The following CNGA3 variants were observed in gnomAD, a reference collection of about 807,000 sequenced individuals.
The protein encoded by CNGA3 is cyclic nucleotide gated channel subunit alpha 3.
CNGA3 carries 42 observed loss-of-function variants against 46.6 expected under a neutral mutation model. The ratio of observed to expected loss-of-function variants is 0.90; its 90% CI spans 0.70 to 1.17. The LOEUF (loss-of-function observed/expected upper bound fraction) is 1.17. CNGA3 is among the 50% of genes most tolerant of loss of function. CNGA3 has a pLI of 0.00. For missense variants in CNGA3, 893 were observed against 890.7 expected, an observed-to-expected ratio of 1.00 and a Z score of -0.03; for synonymous variants, 394 against 369.4, an observed-to-expected ratio of 1.07 and a Z score of -0.76.
chr2:98,392,268 A>G (rs532163385), intron 7 of CNGA3, among the ~76,000 whole-genome samples: 1 of 152,174 alleles, frequency 6.6e-6, no homozygotes, highest in Non-Finnish European at 1.5e-5. Context: ...CCTCTGAGAT[A>G]AGCAGGCCAG....
At chr2:98,348,337 C>A (rs981755925) in intron 1 of CNGA3, among the ~76,000 whole-genome samples, 6 of 152,198 alleles carry the variant, frequency 3.9e-5, no homozygotes, top group Non-Finnish European at 7.3e-5. Flanking sequence ...CTTTGATGCT[C>A]CTGTTTCTAT....
rs1052874356 is a variant in CNGA3 at position 98,398,164 on chromosome 2, C to T, written c.*909C>T. The T allele has an allele frequency of 1.3e-5, 2 of 152,172 alleles. No individual in the cohort carries two copies. Among genetic ancestry groups the T allele is most frequent in the Admixed American group, 1.3e-4 (2 of 15,282 alleles). 9.4% of individuals were successfully genotyped at this position (152,172 alleles called of 1,614,324 possible). A position where few individuals can be genotyped will look rare whatever the true frequency, so the allele number is the denominator to read the frequency against. ...GAAGATTAGACCATTAGGAACGTAT[C>T]TTTGCAAACTGCCCATTCACCCATG... On this transcript the variant is annotated 3_prime_UTR_variant, in exon 8 of 8. Coordinates refer to ENST00000272602, the MANE Select transcript of CNGA3 (RefSeq NM_001298.3).
At chr2:98,386,132 G>T (rs562764272) in intron 5 of CNGA3, among the ~76,000 whole-genome samples, 1 of 152,294 alleles carries the variant, frequency 6.6e-6, no homozygotes, top group East Asian at 1.9e-4. Context: ...CTGGTACATA[G>T]TAAGTGCTCA....
At chr2:98,373,946 C>T (rs1056136578) in intron 2 of CNGA3, among the ~76,000 whole-genome samples, 1 of 152,216 alleles carries the variant, frequency 6.6e-6, no homozygotes, top group Non-Finnish European at 1.5e-5. Context: ...CCCACTTCTC[C>T]AGGACCAAAG....
In CNGA3 at chr2:98,383,309, A is replaced by G; in HGVS notation, c.396-79A>G. 6 of 1,333,390 alleles carry G rather than the reference A, an allele frequency of 4.5e-6. No individual in the cohort carries two copies. In the South Asian group the frequency reaches 7.1e-5, roughly 16 times the overall value. The allele number at this position is 1,333,390 out of a possible 1,614,324, so 82.6% of individuals were successfully genotyped here. A position where few individuals can be genotyped will look rare whatever the true frequency, so the allele number is the denominator to read the frequency against. On this transcript the variant is annotated intron_variant, in intron 4 of 7. Transcript: ENST00000272602. ...TGGGATAGGGATTGGGGGGTGGGGC[A>G]TGGTAATCCCCTGGTGAAATGGCCC...
chr2:98,380,506 G>T (rs116253387), intron 4 of CNGA3, 152 bp downstream of exon 4: 10,855 of 1,013,002 alleles, frequency 0.011, 89 homozygotes, highest in Non-Finnish European at 0.014. Context: ...GCCCTTGGGG[G>T]AGCACTACAT....
intron 7 of CNGA3, among the ~76,000 whole-genome samples, chr2:98,394,195 A>G (rs1692857845): frequency 6.6e-6 from 1 of 152,140 alleles, no homozygotes; most frequent in Non-Finnish European, 1.5e-5. Flanking sequence ...ACTTTCGTGC[A>G]TGTTTGAAAA....
intron 2 of CNGA3, among the ~76,000 whole-genome samples, chr2:98,372,664 T>G (rs972675341): frequency 2.6e-4 from 40 of 152,226 alleles, no homozygotes; most frequent in African/African-American, 9.4e-4. Flanking sequence ...AGTACTAATA[T>G]TGCCCTCCTA....
intron 6 of CNGA3, among the ~76,000 whole-genome samples, chr2:98,391,388 G>T (rs867199199): frequency 2.6e-5 from 4 of 152,188 alleles, no homozygotes; most frequent in African/African-American, 4.8e-5. Context: ...TGCTGTGCCC[G>T]TGAGGATAGG....
intron 1 of CNGA3, among the ~76,000 whole-genome samples, chr2:98,350,211 G>A (rs955380192): frequency 1.3e-5 from 2 of 152,188 alleles, no homozygotes; most frequent in African/African-American, 4.8e-5. Flanking sequence ...GCTTCTTGGT[G>A]TATACCTTGG....
chr2:98,380,768 TG>T (rs35936392), intron 4 of CNGA3, among the ~76,000 whole-genome samples: 3 of 151,998 alleles, frequency 2.0e-5, no homozygotes, highest in South Asian at 2.1e-4. Flanking sequence ...GCAGGAGCCT[TG>T]GGGGGGTGTC....
At chr2:98,370,216 A>G in intron 2 of CNGA3, 140 bp downstream of exon 2, 1 of 720,696 alleles carries the variant, frequency 1.4e-6, no homozygotes. Flanking sequence ...CAGCACTGCC[A>G]ACTTCATTTT....
At chr2:98,365,034 G>A (rs1015207472) in intron 1 of CNGA3, among the ~76,000 whole-genome samples, 4 of 145,162 alleles carry the variant, frequency 2.8e-5, no homozygotes, top group Non-Finnish European at 4.5e-5. Flanking sequence ...CTCTCTGGCT[G>A]CCCTTAACAT....
At chr2:98,385,582 A>T (rs1452906996) in intron 5 of CNGA3, among the ~76,000 whole-genome samples, 1 of 152,192 alleles carries the variant, frequency 6.6e-6, no homozygotes, top group African/African-American at 2.4e-5. Flanking sequence ...GATACAATAT[A>T]TTTTATATAT....
At chr2:98,368,191 G>C (rs3754901) in intron 1 of CNGA3, among the ~76,000 whole-genome samples, 66,885 of 152,110 alleles carry the variant, frequency 0.44, 14,813 homozygotes, top group Admixed American at 0.5. Flanking sequence ...CTGCTGAGCC[G>C]ATGGCTGCCC....
Position 98,396,202 on chromosome 2 carries a change from G to A in CNGA3, c.1032G>A (p.Glu344=), listed in dbSNP as rs1208590429. 2.5e-6 allele frequency: 4 copies of A among 1,614,170 alleles called. No homozygotes were observed. Among genetic ancestry groups the A allele is most frequent in the South Asian group, 2.2e-5 (2 of 91,086 alleles). The change falls in exon 8 of 8, where the codon GAG becomes GAA. Residue 344 remains glutamate, a synonymous_variant. Coordinates refer to ENST00000272602, the MANE Select transcript of CNGA3 (RefSeq NM_001298.3). ...TCTACCCAAACATCTCAATCCCAGAGCATGGGCGCCTCTCCAGGAAGTACA... is the reference window on the plus strand; with the variant it reads ...TCTACCCAAACATCTCAATCCCAGAACATGGGCGCCTCTCCAGGAAGTACA... ...SWVYPNISIP[E]HGRLSRKYIY... is the part of the protein sequence containing the mutation.
intron 2 of CNGA3, among the ~76,000 whole-genome samples, chr2:98,373,107 C>T (rs140932692): frequency 1.2e-4 from 18 of 152,264 alleles, no homozygotes; most frequent in Non-Finnish European, 2.4e-4. Flanking sequence ...ACAGTGTGTA[C>T]TCAGGATGGG....
At chr2:98,368,568 A>G (rs1186338876) in intron 1 of CNGA3, among the ~76,000 whole-genome samples, 3 of 152,180 alleles carry the variant, frequency 2.0e-5, no homozygotes, top group Admixed American at 6.5e-5. Context: ...TCATGACCTG[A>G]TTTCTGGCAC....
At chr2:98,367,167 G>GTTTTTTTTC (rs1692174940) in intron 1 of CNGA3, among the ~76,000 whole-genome samples, 1 of 101,588 alleles carries the variant, frequency 9.8e-6, no homozygotes, top group Admixed American at 1.1e-4. Context: ...GACATCAGCT[G>GTTTTTTTTC]TTTTTTTTCT....
Sources: gnomAD v4.1 joint callset for allele counts (sites outside exome capture counted in the v4.1 genomes callset) on GRCh38, gnomAD v4.1.1 for gene constraint, MANE v1.5 for transcripts, NCBI Gene and HGNC (gene_info 2026-07-23, HGNC 2026-07-21) for gene names.